The following NOVA1 variants were observed in gnomAD, a reference collection of about 807,000 sequenced individuals.
NOVA1 encodes NOVA alternative splicing regulator 1.
In NOVA1, 7 loss-of-function variants were observed where a neutral mutation model predicts 38.0. The ratio of observed to expected loss-of-function variants is 0.18; its 90% CI spans 0.10 to 0.35. The LOEUF is 0.35. Among genes scored for constraint, NOVA1 ranks in the 10% least tolerant of loss-of-function variants. NOVA1 has a pLI of 1.00. For missense variants in NOVA1, 460 were observed against 616.0 expected (o/e 0.75, Z 2.68); for synonymous variants, 270 against 232.5 (o/e 1.16, Z -1.47).
In NOVA1 at chr14:26,516,906, C is replaced by CTTTT. The variant is rs1179556122; in HGVS notation, c.281-36767_281-36764dup. On this transcript the variant is annotated intron_variant, in intron 2 of 4. Coordinates refer to ENST00000539517, the MANE Select transcript of NOVA1 (RefSeq NM_002515.3). ...ACTGCCTAGCTCTCTGACTTTGCCT[C>CTTTT]TTTTTTTTTTTTTTTTGGAGATGGA... 1.8e-4 allele frequency among the ~76,000 whole-genome samples: 25 copies of CTTTT among 135,574 alleles called. 2 individuals carry two copies. The highest frequency in any genetic ancestry group is 3.3e-4 in the African/African-American group (12 of 36,504). 88.9% of individuals were successfully genotyped at this position (135,574 alleles called of 152,430 possible). A position where few individuals can be genotyped will look rare whatever the true frequency, so the allele number is the denominator to read the frequency against.
chr14:26,597,285 T>C lies in NOVA1; in HGVS notation c.136+16A>G. 1 of 1,229,372 alleles carries C rather than the reference T, an allele frequency of 8.1e-7. No homozygotes were observed. Among genetic ancestry groups the C allele is most frequent in the Non-Finnish European group, 1.0e-6 (1 of 983,152 alleles). The allele number at this position is 1,229,372 out of a possible 1,614,324, so 76.2% of individuals were successfully genotyped here. On this transcript the variant is annotated intron_variant, in intron 1 of 4. Transcript: ENST00000539517. ...GCGGGGGATGGGGCCAGCGGGGAGG[T>C]GGAAGCGATACCCACCGCCCGTATT... is the stretch of plus-strand genomic sequence containing the variant.
chr14:26,523,723 CT>C (rs1196197590), intron 2 of NOVA1, among the ~76,000 whole-genome samples: 8 of 133,280 alleles, frequency 6.0e-5, no homozygotes, highest in South Asian at 5.1e-4. Flanking sequence ...TTTTTTTTTT[CT>C]TTTTTTTCCC....
In NOVA1 at chr14:26,594,806, C is replaced by G. The variant is rs143194800; in HGVS notation, c.280+604G>C. Among the ~76,000 whole-genome samples, 1,242 of 152,092 alleles carry G rather than the reference C, an allele frequency of 8.2e-3. 7 individuals are homozygous for G. Among genetic ancestry groups the G allele is most frequent in the Non-Finnish European group, 0.011 (772 of 67,936 alleles). On this transcript the variant is annotated intron_variant, in intron 2 of 4. Coordinates refer to ENST00000539517, the MANE Select transcript of NOVA1 (RefSeq NM_002515.3). ...TGTCAACATATTTAATCAAATTTAG[C>G]TCTTAAGTTAACATGAATTCTGAAG... is the stretch of plus-strand genomic sequence containing the variant.
chr14:26,511,701 G>A (rs1566492196), intron 2 of NOVA1, among the ~76,000 whole-genome samples: 2 of 151,856 alleles, frequency 1.3e-5, no homozygotes, highest in Non-Finnish European at 1.5e-5. Context: ...GCACTAAGCC[G>A]AGATAGCGCC....
intron 2 of NOVA1, among the ~76,000 whole-genome samples, chr14:26,565,653 G>T (rs1422853107): frequency 6.6e-6 from 1 of 152,132 alleles, no homozygotes; most frequent in African/African-American, 2.4e-5. Flanking sequence ...CATTAGCACT[G>T]TGCCATACTA....
intron 2 of NOVA1, among the ~76,000 whole-genome samples, chr14:26,572,140 A>G (rs1892521333): frequency 6.6e-6 from 1 of 152,186 alleles, no homozygotes; most frequent in Admixed American, 6.5e-5. Flanking sequence ...ATTCTCTGCT[A>G]CTCTGGTAGA....
At chr14:26,535,412 T>C (rs1041360613) in intron 2 of NOVA1, among the ~76,000 whole-genome samples, 1 of 152,130 alleles carries the variant, frequency 6.6e-6, no homozygotes, top group Non-Finnish European at 1.5e-5. Flanking sequence ...TGTAGCAATA[T>C]ACCAGAATAG....
chr14:26,517,766 T>C (rs946293114), intron 2 of NOVA1, among the ~76,000 whole-genome samples: 1 of 152,170 alleles, frequency 6.6e-6, no homozygotes, highest in African/African-American at 2.4e-5. Flanking sequence ...ATGAATTATA[T>C]ATACCATGCC....
At chr14:26,580,296 A>G (rs2138763568) in intron 2 of NOVA1, among the ~76,000 whole-genome samples, 1 of 152,280 alleles carries the variant, frequency 6.6e-6, no homozygotes. Flanking sequence ...GACTCTAATC[A>G]ATGATTTTTA....
intron 4 of NOVA1, among the ~76,000 whole-genome samples, chr14:26,468,046 T>C (rs558666127): frequency 1.3e-5 from 2 of 152,282 alleles, no homozygotes; most frequent in South Asian, 4.1e-4. Context: ...AGTGATGCAA[T>C]GTCATTAGCA....
At chr14:26,478,509 T>G (rs1885174606) in intron 3 of NOVA1, among the ~76,000 whole-genome samples, 2 of 152,002 alleles carry the variant, frequency 1.3e-5, no homozygotes, top group South Asian at 2.1e-4. Context: ...TCAGTGCTTA[T>G]TCTGTAAACT....
intron 2 of NOVA1, among the ~76,000 whole-genome samples, chr14:26,498,164 T>C (rs796731140): frequency 1.3e-5 from 2 of 151,822 alleles, no homozygotes; most frequent in African/African-American, 4.8e-5. Context: ...GGTTCACGCC[T>C]TTCTCCTGCC....
chr14:26,477,714 A>C (rs1396267787), intron 3 of NOVA1, among the ~76,000 whole-genome samples: 1 of 152,068 alleles, frequency 6.6e-6, no homozygotes, highest in Non-Finnish European at 1.5e-5. Context: ...GGTCATTTAA[A>C]TTTATATATT....
intron 2 of NOVA1, among the ~76,000 whole-genome samples, chr14:26,552,789 A>G (rs1363858507): frequency 1.3e-5 from 2 of 152,180 alleles, no homozygotes; most frequent in African/African-American, 4.8e-5. Flanking sequence ...CAAATATACT[A>G]TTTTAAATGT....
At chr14:26,506,153 T>C (rs1887625267) in intron 2 of NOVA1, among the ~76,000 whole-genome samples, 1 of 152,344 alleles carries the variant, frequency 6.6e-6, no homozygotes, top group African/African-American at 2.4e-5. Flanking sequence ...CAATGTTACT[T>C]ATCATGTCTT....
intron 2 of NOVA1, among the ~76,000 whole-genome samples, chr14:26,498,205 G>A (rs866114767): frequency 1.0e-4 from 15 of 150,560 alleles, no homozygotes; most frequent in Admixed American, 9.9e-4. Context: ...GACTACAGGC[G>A]CCCGCCACCA....
chr14:26,449,027 T>A, intron 4 of NOVA1, 64 bp from the exon 5 acceptor site: 1 of 1,417,346 alleles, frequency 7.1e-7, no homozygotes, highest in Non-Finnish European at 9.5e-7. Context: ...TATATTACTT[T>A]GCTATCCTAG....
At chr14:26,596,656 TC>T in intron 1 of NOVA1, 1 of 1,289,124 alleles carries the variant, frequency 7.8e-7, no homozygotes, top group Non-Finnish European at 1.0e-6. Context: ...AAACTCATCT[TC>T]CAAGGAAGCG....
rs555035181 is a variant in NOVA1 at position 26,571,370 on chromosome 14, T to C, written c.280+24040A>G. ...TGAGAGTACTCACGAGAAGATACTA[T>C]CTTTTCACTCTGGCTTAAATTAATA... On this transcript the variant is annotated intron_variant, in intron 2 of 4. Coordinates refer to ENST00000539517, the MANE Select transcript of NOVA1 (RefSeq NM_002515.3). Among the ~76,000 whole-genome samples, 5 of 152,292 alleles carry C rather than the reference T, an allele frequency of 3.3e-5. No individual in the cohort carries two copies. The East Asian group carries it at 9.6e-4, about 29-fold the overall frequency.
Sources: gnomAD v4.1 joint callset for allele counts (sites outside exome capture counted in the v4.1 genomes callset) on GRCh38, gnomAD v4.1.1 for gene constraint, MANE v1.5 for transcripts, NCBI Gene and HGNC (gene_info 2026-07-23, HGNC 2026-07-21) for gene names.